UST: variants seen among roughly 807,000 people sequenced by gnomAD.
The protein encoded by UST is uronyl 2-sulfotransferase, also known as chondroitin sulfate 2-O-sulfotransferase.
Under a neutral mutation model 45.6 loss-of-function variants are expected in UST, and 21 were observed. The ratio of observed to expected loss-of-function variants is 0.46; its 90% CI spans 0.33 to 0.66. The LOEUF is 0.66. Ranked by LOEUF, UST falls within the 30% of genes least tolerant of loss-of-function variation. UST has a pLI of 0.02. For synonymous variants in UST, 215 were observed against 200.6 expected, an observed-to-expected ratio of 1.07 and a Z score of -0.61; for missense variants, 463 against 512.4, an observed-to-expected ratio of 0.90 and a Z score of 0.93.
At chr6:148,773,552 G>A (rs968216562) in intron 1 of UST, among the ~76,000 whole-genome samples, 1 of 152,128 alleles carries the variant, frequency 6.6e-6, no homozygotes, top group Non-Finnish European at 1.5e-5. Flanking sequence ...TATAAATGAG[G>A]TAAATGCAAA....
chr6:148,948,415 G>A (rs958608913), intron 3 of UST, among the ~76,000 whole-genome samples: 2 of 152,240 alleles, frequency 1.3e-5, no homozygotes, highest in Non-Finnish European at 2.9e-5. Context: ...AAGTCTGACT[G>A]TGTTGGTAGA....
At chr6:148,819,487 A>C (rs1435780743) in intron 1 of UST, among the ~76,000 whole-genome samples, 1 of 152,232 alleles carries the variant, frequency 6.6e-6, no homozygotes, top group Non-Finnish European at 1.5e-5. Context: ...AGAGATAGAA[A>C]GATATTAGGA....
At chr6:148,894,152 T>C (rs1357208011) in intron 2 of UST, among the ~76,000 whole-genome samples, 1 of 152,158 alleles carries the variant, frequency 6.6e-6, no homozygotes, top group Non-Finnish European at 1.5e-5. Context: ...AGAGAAAAGA[T>C]GATAGGCAGT....
chr6:148,972,761 TTTA>T (rs1780944065), intron 5 of UST, among the ~76,000 whole-genome samples: 1 of 152,212 alleles, frequency 6.6e-6, no homozygotes, highest in African/African-American at 2.4e-5. Context: ...GTGGCTAACA[TTTA>T]TTAAGGCGGT....
chr6:148,845,321 T>C (rs1193636224), intron 1 of UST, among the ~76,000 whole-genome samples: 1 of 152,244 alleles, frequency 6.6e-6, no homozygotes, highest in Non-Finnish European at 1.5e-5. Context: ...TTGAACTTCA[T>C]AGAAATTGAA....
At chr6:148,939,306 C>T (rs1469311503) in intron 2 of UST, among the ~76,000 whole-genome samples, 97 of 152,048 alleles carry the variant, frequency 6.4e-4, no homozygotes, top group Non-Finnish European at 2.9e-5. Flanking sequence ...CAGTCCTTAT[C>T]ATAATCTCAA....
intron 5 of UST, chr6:148,964,824 G>A (rs113311090): frequency 0.015 from 7,615 of 492,818 alleles, 126 homozygotes; most frequent in Middle Eastern, 0.028. Flanking sequence ...TTGGGACCCA[G>A]AGCGTTAACA....
chr6:148,916,637 G>A (rs560953245), intron 2 of UST, among the ~76,000 whole-genome samples: 1 of 152,256 alleles, frequency 6.6e-6, no homozygotes, highest in East Asian at 1.9e-4. Flanking sequence ...GCTCCTTCAT[G>A]TCCTCCACTT....
chr6:149,055,469 T>C (rs1175739756), intron 7 of UST, among the ~76,000 whole-genome samples: 1 of 152,168 alleles, frequency 6.6e-6, no homozygotes, highest in Non-Finnish European at 1.5e-5. Context: ...TCAAACATCT[T>C]TGATTTTCCA....
At chr6:149,009,696 G>A (rs894239194) in intron 5 of UST, among the ~76,000 whole-genome samples, 8 of 152,268 alleles carry the variant, frequency 5.3e-5, no homozygotes, top group Admixed American at 2.6e-4. Flanking sequence ...TCAGCAAAAC[G>A]AGGGAGTAAA....
chr6:148,816,512 TAA>T (rs1405284003), intron 1 of UST, among the ~76,000 whole-genome samples: 1 of 152,196 alleles, frequency 6.6e-6, no homozygotes, highest in African/African-American at 2.4e-5. Context: ...GCCTAATGTG[TAA>T]AAGAAGTTAA....
intron 1 of UST, among the ~76,000 whole-genome samples, chr6:148,836,762 CAG>C (rs1777792464): frequency 6.6e-6 from 1 of 152,172 alleles, no homozygotes; most frequent in South Asian, 2.1e-4. Context: ...AGTATCCAGA[CAG>C]GGGCGGGGTT....
At chr6:148,817,921 A>G (rs918974072) in intron 1 of UST, among the ~76,000 whole-genome samples, 1 of 152,188 alleles carries the variant, frequency 6.6e-6, no homozygotes, top group African/African-American at 2.4e-5. Flanking sequence ...AATTTACAGT[A>G]TAGTCTGTGG....
At chr6:148,838,395 A>G (rs942571266) in intron 1 of UST, among the ~76,000 whole-genome samples, 2 of 152,232 alleles carry the variant, frequency 1.3e-5, no homozygotes, top group Non-Finnish European at 1.5e-5. Context: ...TTTCCTCCTA[A>G]GATAACAGAA....
rs945119403 is a variant in UST, at chr6:148,859,268, CTGTT to C, written c.248-27717_248-27714del. On this transcript the variant is annotated intron_variant, in intron 1 of 7. Coordinates refer to ENST00000367463, the MANE Select transcript of UST (RefSeq NM_005715.3). The stretch of plus-strand genomic sequence containing the variant: ...TGATGATGAGGATATTTTCATGTGT[CTGTT>C]GGCTGCATAAATGTCTTCTTTTGAG... Among the ~76,000 whole-genome samples the C allele has an allele frequency of 7.1e-4, 108 of 152,326 alleles. 1 individual carries two copies. Among genetic ancestry groups the C allele is most frequent in the African/African-American group, 2.5e-3 (104 of 41,580 alleles).
intron 1 of UST, among the ~76,000 whole-genome samples, chr6:148,765,406 C>T (rs945238989): frequency 6.6e-6 from 1 of 152,164 alleles, no homozygotes; most frequent in Non-Finnish European, 1.5e-5. Context: ...TGCTATCCCT[C>T]CAGCTTTGTT....
chr6:148,776,528 A>C (rs1251369398), intron 1 of UST, among the ~76,000 whole-genome samples: 1 of 152,190 alleles, frequency 6.6e-6, no homozygotes, highest in African/African-American at 2.4e-5. Flanking sequence ...AAGTTTAATG[A>C]GATACAGCAG....
chr6:148,773,072 A>G (rs191566110), intron 1 of UST, among the ~76,000 whole-genome samples: 2 of 152,378 alleles, frequency 1.3e-5, no homozygotes, highest in African/African-American at 4.8e-5. Context: ...TATAGAAAAT[A>G]GGATCTATGT....
chr6:148,917,804 G>C (rs963523189), intron 2 of UST, among the ~76,000 whole-genome samples: 1 of 152,194 alleles, frequency 6.6e-6, no homozygotes, highest in Admixed American at 6.5e-5. Context: ...GCAGAAAGGA[G>C]GACGGGAGCT....
Sources: gnomAD v4.1 joint callset for allele counts (sites outside exome capture counted in the v4.1 genomes callset) on GRCh38, gnomAD v4.1.1 for gene constraint, MANE v1.5 for transcripts, NCBI Gene and HGNC (gene_info 2026-07-23, HGNC 2026-07-21) for gene names.